The following MDN1 variants were observed in gnomAD, a reference collection of about 807,000 sequenced individuals.
MDN1 encodes midasin AAA ATPase 1.
MDN1 carries 266 observed loss-of-function variants against 669.2 expected under a neutral mutation model. The observed-to-expected ratio is 0.40, with a 90% CI of 0.36 to 0.44. The LOEUF is 0.44. Among genes scored for constraint, MDN1 ranks in the 20% least tolerant of loss-of-function variants. MDN1 has a pLI of 1.00. For synonymous variants in MDN1, 2,385 were observed against 2,457.1 expected (o/e 0.97, Z 0.87); for missense variants, 5,940 against 6,754.0 (o/e 0.88, Z 4.22).
At chr6:89,674,069 C>T in intron 79 of MDN1, 35 bp downstream of exon 79, 1 of 1,603,328 alleles carries the variant, frequency 6.2e-7, no homozygotes, top group Non-Finnish European at 8.5e-7. Context: ...AGGACCTAAG[C>T]ACACAGAGAA....
intron 53 of MDN1, 106 bp from the exon 54 acceptor site, chr6:89,702,167 A>G: frequency 8.9e-7 from 1 of 1,127,748 alleles, no homozygotes; most frequent in Non-Finnish European, 1.2e-6. Flanking sequence ...TCCCGGGAAA[A>G]GACACACAAC....
chr6:89,786,657 G>A (rs931301375), intron 8 of MDN1, among the ~76,000 whole-genome samples: 1 of 151,804 alleles, frequency 6.6e-6, no homozygotes, highest in African/African-American at 2.4e-5. Context: ...GGCCGGGCAC[G>A]GTGGCTCACG....
At position 89,809,993 on chromosome 6, in the gene MDN1, TAAAAAA is replaced by T. The variant is rs61558155; in HGVS notation, c.103-6445_103-6440del. ...GCAACAGAGTGAGACTCCGTTTCAC[TAAAAAA>T]AAAAAAAAAAAAAAAAAAAAAAAAA... On this transcript the variant is annotated intron_variant, in intron 1 of 101. Coordinates refer to ENST00000369393, the MANE Select transcript of MDN1 (RefSeq NM_014611.3). Among the ~76,000 whole-genome samples the T allele has an allele frequency of 5.3e-3, 281 of 52,806 alleles. 3 individuals are homozygous for T. Among genetic ancestry groups the T allele is most frequent in the African/African-American group, 0.019 (236 of 12,726 alleles). 34.6% of individuals were successfully genotyped at this position (52,806 alleles called of 152,430 possible). A position where few individuals can be genotyped will look rare whatever the true frequency, so the allele number is the denominator to read the frequency against.
intron 84 of MDN1, among the ~76,000 whole-genome samples, chr6:89,667,273 T>C (rs1214683599): frequency 2.6e-5 from 4 of 151,616 alleles, no homozygotes; most frequent in Admixed American, 2.0e-4. Context: ...CTAAGGACAA[T>C]ATAGGTCCAA....
At chr6:89,792,119 C>G (rs879127790) in intron 5 of MDN1, among the ~76,000 whole-genome samples, 1 of 151,938 alleles carries the variant, frequency 6.6e-6, no homozygotes, top group Non-Finnish European at 1.5e-5. Context: ...CTGCCCGCCT[C>G]GGCCTCCCAA....
chr6:89,718,798 T>C lies in MDN1; in HGVS notation c.6290A>G (p.Asp2097Gly), dbSNP rs1439042737. 5.0e-6 allele frequency: 8 copies of C among 1,614,084 alleles called. No individual in the cohort carries two copies. Among genetic ancestry groups the C allele is most frequent in the Non-Finnish European group, 6.8e-6 (8 of 1,180,050 alleles). ...LKIMAMNSAM[D>G]TTELLGGFEQ... is the part of the protein sequence containing the mutation. ...AAATCCACCCAGCAGCTCAGTAGTATCCATTGCACTGTTCATAGCCATGAT... is the reference window on the plus strand; with the variant it reads ...AAATCCACCCAGCAGCTCAGTAGTACCCATTGCACTGTTCATAGCCATGAT... Residue 2097 changes from aspartate to glycine, a missense_variant, in exon 42 of 102, where the codon GAT becomes GGT. By Grantham distance (94) the Asp-to-Gly change is moderately conservative. Transcript: ENST00000369393.
rs1448410855 is a variant in MDN1, at chr6:89,718,830, T to C, written c.6258A>G (p.Thr2086=). 5.0e-6 allele frequency: 8 copies of C among 1,614,212 alleles called. No individual in the cohort carries two copies. The highest frequency in any genetic ancestry group is 5.9e-6 in the Non-Finnish European group (7 of 1,180,038). The change falls in exon 42 of 102, where the codon ACA becomes ACG. Residue 2086 remains threonine, a synonymous_variant. Transcript: ENST00000369393. ...CACTGTTCATAGCCATGATCTTTAATGTGTGGCCAGTAAGGTGTGCCAGAA... is the reference window on the plus strand; with the variant it reads ...CACTGTTCATAGCCATGATCTTTAACGTGTGGCCAGTAAGGTGTGCCAGAA... ...VQLLAHLTGH[T]LKIMAMNSAM...
chr6:89,732,778 A>G lies in MDN1; in HGVS notation c.4724-3T>C, dbSNP rs770745731. ...CATCACTTCAGGTATGTCAGACCCT[A>G]AACACAAGAAACAAAAAAAGCATTT... On this transcript the variant is annotated splice_polypyrimidine_tract_variant and splice_region_variant and intron_variant, in intron 33 of 101. Coordinates refer to ENST00000369393, the MANE Select transcript of MDN1 (RefSeq NM_014611.3). The G allele has an allele frequency of 6.2e-7, 1 of 1,612,266 alleles. No individual in the cohort carries two copies. The highest frequency in any genetic ancestry group is 8.5e-7 in the Non-Finnish European group (1 of 1,179,258).
intron 99 of MDN1, among the ~76,000 whole-genome samples, chr6:89,647,309 CTG>C: frequency 6.6e-6 from 1 of 152,306 alleles, no homozygotes; most frequent in East Asian, 1.9e-4. Context: ...AAAAAGCAAA[CTG>C]AATCAGAGCA....
intron 11 of MDN1, among the ~76,000 whole-genome samples, chr6:89,779,412 A>G (rs1455536814): frequency 6.6e-6 from 1 of 152,198 alleles, no homozygotes; most frequent in Non-Finnish European, 1.5e-5. Context: ...GATAATAACA[A>G]TGGACCCCAG....
chr6:89,675,323 C>T (rs1416983925), intron 78 of MDN1, 141 bp downstream of exon 78: 4 of 679,288 alleles, frequency 5.9e-6, no homozygotes, highest in Non-Finnish European at 9.8e-6. Flanking sequence ...CTGGGAGAAA[C>T]CCTACCTGCC....
At chr6:89,675,125 CCTAA>C (rs1244293914) in intron 78 of MDN1, among the ~76,000 whole-genome samples, 1 of 152,216 alleles carries the variant, frequency 6.6e-6, no homozygotes, top group African/African-American at 2.4e-5. Flanking sequence ...TGAACAGAAG[CCTAA>C]CTATTGGCCC....
chr6:89,763,900 T>C (rs1217489742), intron 15 of MDN1, among the ~76,000 whole-genome samples: 1 of 152,184 alleles, frequency 6.6e-6, no homozygotes, highest in African/African-American at 2.4e-5. Context: ...TAGGCATTTC[T>C]TTAGTCCATT....
Position 89,718,833 on chromosome 6 carries a change from G to C in MDN1, c.6255C>G (p.His2085Gln), listed in dbSNP as rs1331403262. Residue 2085 changes from histidine (H) to glutamine (Q), a missense_variant, in exon 42 of 102, where the codon CAC (histidine) becomes CAG (glutamine). By Grantham distance (24) the His-to-Gln change is conservative. Coordinates refer to ENST00000369393, the MANE Select transcript of MDN1 (RefSeq NM_014611.3). ...TGTTCATAGCCATGATCTTTAATGT[G>C]TGGCCAGTAAGGTGTGCCAGAAGCT... ...LVQLLAHLTG[H>Q]TLKIMAMNSA... 5 of 1,614,082 alleles carry C rather than the reference G, an allele frequency of 3.1e-6. No individual in the cohort carries two copies. Among genetic ancestry groups the C allele is most frequent in the South Asian group, 2.2e-5 (2 of 91,090 alleles).
rs1418415548 is a variant in MDN1 at position 89,712,101 on chromosome 6, T to C, written c.7586A>G (p.Asn2529Ser). 1.9e-6 allele frequency: 3 copies of C among 1,614,168 alleles called. No individual in the cohort carries two copies. Among genetic ancestry groups the C allele is most frequent in the East Asian group, 2.2e-5 (1 of 44,880 alleles). ...TTTAACTCTGAGCATCCAATCCTGA[T>C]TGGTTGCTCTTTCTATGAGCAATTT... ...AVKLLIERAT[N>S]QDWMLRVKWL... The change falls in exon 49 of 102, where the codon AAT becomes AGT. Residue 2529 changes from asparagine to serine, a missense_variant. Transcript: ENST00000369393.
chr6:89,790,911 T>C (rs1819234727), intron 5 of MDN1, among the ~76,000 whole-genome samples: 1 of 152,060 alleles, frequency 6.6e-6, no homozygotes, highest in Non-Finnish European at 1.5e-5. Context: ...TAATCCCAGC[T>C]ACTCGGGAAG....
chr6:89,727,666 A>C (rs1815326011), intron 37 of MDN1, among the ~76,000 whole-genome samples, 167 bp downstream of exon 37: 1 of 152,202 alleles, frequency 6.6e-6, no homozygotes, highest in Non-Finnish European at 1.5e-5. Context: ...TATTCTGCCA[A>C]GTGACCTTCC....
At chr6:89,710,555 G>T in intron 50 of MDN1, 126 bp downstream of exon 50, 1 of 475,280 alleles carries the variant, frequency 2.1e-6, no homozygotes. Flanking sequence ...ATTTGCTTCT[G>T]CATATCATGA....
Position 89,658,217 on chromosome 6 carries a change from C to T in MDN1, c.15175G>A (p.Gly5059Arg), listed in dbSNP as rs374679505. ...LAGAAPEKEQ[G>R]KEEHGSGAAD... ...GTGAAACCACTGATCACCTCTTTCCCCTGCTCCTTCTCAGGTGCGGCCCCA... is the reference window on the plus strand; with the variant it reads ...GTGAAACCACTGATCACCTCTTTCCTCTGCTCCTTCTCAGGTGCGGCCCCA... The change falls in exon 90 of 102, where the codon GGG (glycine) becomes AGG (arginine). Residue 5059 changes from glycine (G) to arginine (R), a missense_variant. By Grantham distance (125) the Gly-to-Arg change is moderately radical (BLOSUM62 -2). Transcript: ENST00000369393. 1.9e-6 allele frequency: 3 copies of T among 1,614,054 alleles called. No homozygotes were observed. The African/African-American group carries it at 4.0e-5, about 22-fold the overall frequency.
Sources: gnomAD v4.1 joint callset for allele counts (sites outside exome capture counted in the v4.1 genomes callset) on GRCh38, gnomAD v4.1.1 for gene constraint, MANE v1.5 for transcripts, NCBI Gene and HGNC (gene_info 2026-07-23, HGNC 2026-07-21) for gene names.